Variants in FBN2 observed in about 807,000 individuals in gnomAD.
The protein encoded by FBN2 is fibrillin-2.
Under a neutral mutation model 355.6 loss-of-function variants are expected in FBN2, and 105 were observed. The observed-to-expected ratio is 0.30, with a 90% CI of 0.25 to 0.35. The LOEUF (loss-of-function observed/expected upper bound fraction) is 0.35. Ranked by LOEUF, FBN2 falls within the 10% of genes least tolerant of loss-of-function variation. The pLI is 1.00. For synonymous variants in FBN2, 1,350 were observed against 1,301.2 expected, an observed-to-expected ratio of 1.04 and a Z score of -0.81; for missense variants, 3,280 against 3,758.7, an observed-to-expected ratio of 0.87 and a Z score of 3.33.
chr5:128,383,130 A>T (rs919600830), intron 11 of FBN2, among the ~76,000 whole-genome samples: 2 of 152,146 alleles, frequency 1.3e-5, no homozygotes, highest in African/African-American at 4.8e-5. Flanking sequence ...GACAGGGGGA[A>T]CACTGGCAGG....
intron 5 of FBN2, among the ~76,000 whole-genome samples, chr5:128,465,758 G>C (rs558992371): frequency 2.6e-4 from 40 of 152,322 alleles, no homozygotes; most frequent in African/African-American, 9.1e-4. Context: ...TGTATGGCAT[G>C]TGTGATACAT....
intron 55 of FBN2, among the ~76,000 whole-genome samples, chr5:128,283,936 C>A (rs1266220171): frequency 1.3e-5 from 2 of 152,156 alleles, no homozygotes; most frequent in African/African-American, 4.8e-5. Context: ...CATCAGAAAT[C>A]CAATCTGTTG....
Position 128,377,740 on chromosome 5 carries a change from C to A in FBN2, c.1849+12G>T, listed in dbSNP as rs777910433. 1 of 1,613,064 alleles carries A rather than the reference C, an allele frequency of 6.2e-7. No homozygotes were observed. The highest frequency in any genetic ancestry group is 8.5e-7 in the Non-Finnish European group (1 of 1,179,414). The stretch of plus-strand genomic sequence containing the variant: ...TTAAAATCTTTTGCAAGGGAGCAGG[C>A]AATTTCCATACCAACACAGTTTTTT... On this transcript the variant is annotated intron_variant, in intron 13 of 64. Transcript: ENST00000262464.
intron 34 of FBN2, among the ~76,000 whole-genome samples, chr5:128,323,293 T>C (rs1750439966): frequency 6.6e-6 from 1 of 152,202 alleles, no homozygotes; most frequent in Non-Finnish European, 1.5e-5. Flanking sequence ...TTCAATACTA[T>C]GTTGAATAGG....
chr5:128,298,421 C>T (rs1047658693), intron 48 of FBN2, among the ~76,000 whole-genome samples: 1 of 152,314 alleles, frequency 6.6e-6, no homozygotes, highest in East Asian at 1.9e-4. Context: ...GGATAACATC[C>T]TGCAGAGTGT....
intron 48 of FBN2, among the ~76,000 whole-genome samples, chr5:128,299,369 A>G (rs1336626810): frequency 6.7e-6 from 1 of 149,830 alleles, no homozygotes; most frequent in African/African-American, 2.5e-5. Context: ...AAACAGTTCG[A>G]GCTTCCGGGC....
intron 12 of FBN2, 59 bp from the exon 13 acceptor site, chr5:128,377,936 G>C (rs1411156696): frequency 6.9e-7 from 1 of 1,450,996 alleles, no homozygotes; most frequent in African/African-American, 1.4e-5. Context: ...GATAAACACA[G>C]TAAGATAAGA....
At chr5:128,333,541 A>C (rs976407795) in intron 31 of FBN2, among the ~76,000 whole-genome samples, 9 of 152,090 alleles carry the variant, frequency 5.9e-5, no homozygotes, top group African/African-American at 2.2e-4. Flanking sequence ...AATCAATATA[A>C]ATATTTTACA....
At chr5:128,301,537 C>T (rs773643835) in intron 46 of FBN2, 27 bp from the exon 47 acceptor site, 1 of 1,609,186 alleles carries the variant, frequency 6.2e-7, no homozygotes, top group Non-Finnish European at 8.5e-7. Flanking sequence ...GTATGTTTTT[C>T]AGAAAGAGCT....
chr5:128,493,606 T>C (rs919319661), intron 5 of FBN2, among the ~76,000 whole-genome samples: 1 of 152,198 alleles, frequency 6.6e-6, no homozygotes, highest in African/African-American at 2.4e-5. Context: ...CTTTATTATA[T>C]ACTAACAGGA....
chr5:128,527,882 A>G lies in FBN2; in HGVS notation c.522T>C (p.Tyr174=), dbSNP rs573915338. ...ATCAATGTCCCTTACGTTGTCCACA[A>G]TAAGTTCCAATATATCCTTTCTGGC... ...CQCQKGYIGT[Y]CGQPVCENGC... Residue 174 remains tyrosine, a synonymous_variant, in exon 4 of 65, where the codon TAT becomes TAC. Transcript: ENST00000262464. 49 of 1,606,092 alleles carry G rather than the reference A, an allele frequency of 3.1e-5. No homozygotes were observed. The highest frequency in any genetic ancestry group is 2.2e-4 in the South Asian group (20 of 90,884).
chr5:128,486,285 A>G (rs551941749), intron 5 of FBN2, among the ~76,000 whole-genome samples: 1 of 152,308 alleles, frequency 6.6e-6, no homozygotes, highest in African/African-American at 2.4e-5. Context: ...ATATAATGAC[A>G]TCCCATGCCA....
intron 7 of FBN2, chr5:128,442,080 A>G (rs2127049097): frequency 3.2e-6 from 1 of 307,920 alleles, no homozygotes; most frequent in African/African-American, 2.2e-5. Flanking sequence ...TGTGCCAACA[A>G]CTTTTATGAG....
intron 7 of FBN2, among the ~76,000 whole-genome samples, chr5:128,426,581 C>G (rs1222854105): frequency 6.6e-6 from 1 of 152,188 alleles, no homozygotes; most frequent in African/African-American, 2.4e-5. Context: ...GCAGTTCACA[C>G]AGGTTTTCCA....
At chr5:128,263,402 G>C in intron 63 of FBN2, 23 bp downstream of exon 63, 4 of 1,555,006 alleles carry the variant, frequency 2.6e-6, no homozygotes, top group Non-Finnish European at 3.6e-6. Context: ...TCCTCTATGT[G>C]CTGAGGCTGA....
chr5:128,379,862 T>C (rs1752183249), intron 11 of FBN2, among the ~76,000 whole-genome samples: 1 of 152,160 alleles, frequency 6.6e-6, no homozygotes, highest in South Asian at 2.1e-4. Flanking sequence ...CATTAACATA[T>C]ACCATTTCAG....
At chr5:128,277,185 T>C (rs895878163) in intron 58 of FBN2, among the ~76,000 whole-genome samples, 5 of 152,096 alleles carry the variant, frequency 3.3e-5, no homozygotes, top group Admixed American at 3.3e-4. Context: ...TAATGAAATA[T>C]AAAGGAGAAA....
intron 4 of FBN2, among the ~76,000 whole-genome samples, chr5:128,524,517 T>C (rs1186401574): frequency 1.3e-5 from 2 of 152,302 alleles, no homozygotes; most frequent in Admixed American, 6.5e-5. Flanking sequence ...GAAGAATGCT[T>C]TCTAAGAAGT....
intron 18 of FBN2, among the ~76,000 whole-genome samples, chr5:128,363,324 G>A (rs1751687018): frequency 3.3e-5 from 5 of 151,856 alleles, no homozygotes; most frequent in Admixed American, 2.0e-4. Flanking sequence ...CTGGGTGCTG[G>A]GATTACAGGC....
Sources: allele counts gnomAD v4.1 joint callset (sites outside exome capture counted in the v4.1 genomes callset), GRCh38; gene constraint gnomAD v4.1.1; transcripts MANE v1.5; gene names NCBI Gene and HGNC (gene_info 2026-07-23, HGNC 2026-07-21).